The following PLEKHA7 variants were observed in gnomAD, a reference collection of about 807,000 sequenced individuals.
The protein encoded by PLEKHA7 is pleckstrin homology domain containing A7, also known as pleckstrin homology domain-containing family A member 7.
A neutral mutation model predicts 170.0 loss-of-function variants in PLEKHA7; 104 were observed. The observed-to-expected ratio is 0.61, with a 90% CI of 0.52 to 0.72. PLEKHA7 has a LOEUF of 0.72. Among genes scored for constraint, PLEKHA7 ranks in the 30% least tolerant of loss-of-function variants. The pLI, the probability that PLEKHA7 is intolerant of heterozygous loss-of-function variation, is 0.00. For missense variants in PLEKHA7, 1,615 were observed against 1,671.7 expected, an observed-to-expected ratio of 0.97 and a Z score of 0.59; for synonymous variants, 648 against 660.8, an observed-to-expected ratio of 0.98 and a Z score of 0.30.
At chr11:17,005,647 A>G (rs1030688673) in intron 3 of PLEKHA7, among the ~76,000 whole-genome samples, 1 of 152,200 alleles carries the variant, frequency 6.6e-6, no homozygotes, top group South Asian at 2.1e-4. Flanking sequence ...CATCTGTCCT[A>G]TCTCTAAAAC....
At chr11:16,967,094 T>C (rs959747357) in intron 3 of PLEKHA7, among the ~76,000 whole-genome samples, 1 of 152,222 alleles carries the variant, frequency 6.6e-6, no homozygotes, top group African/African-American at 2.4e-5. Flanking sequence ...CCAACAGAAA[T>C]GCAGAAAGCA....
chr11:16,885,589 A>C, intron 3 of PLEKHA7, among the ~76,000 whole-genome samples: 1 of 106,394 alleles, frequency 9.4e-6, no homozygotes, highest in South Asian at 2.7e-4. Context: ...AAAAGAACTA[A>C]AGGAAGATGA....
chr11:16,930,749 A>AC (rs1859866629), intron 3 of PLEKHA7, among the ~76,000 whole-genome samples: 1 of 152,238 alleles, frequency 6.6e-6, no homozygotes, highest in Non-Finnish European at 1.5e-5. Flanking sequence ...GAAAATACAA[A>AC]CATTAAACGC....
chr11:16,908,104 G>C (rs1401752641), intron 3 of PLEKHA7, among the ~76,000 whole-genome samples: 1 of 151,486 alleles, frequency 6.6e-6, no homozygotes, highest in African/African-American at 2.4e-5. Flanking sequence ...CTAATCTCAA[G>C]TACCCAGGGA....
intron 3 of PLEKHA7, among the ~76,000 whole-genome samples, chr11:16,977,973 C>G (rs1376277058): frequency 1.3e-5 from 2 of 152,260 alleles, no homozygotes; most frequent in Admixed American, 6.5e-5. Context: ...TTCCCTCCCC[C>G]TTTGCCACTC....
intron 3 of PLEKHA7, among the ~76,000 whole-genome samples, chr11:16,991,891 C>T (rs1314377845): frequency 2.0e-5 from 3 of 152,136 alleles, no homozygotes; most frequent in Non-Finnish European, 4.4e-5. Context: ...ATGACAGTGG[C>T]GTGGACTAGG....
chr11:16,889,855 G>GACTATTCA (rs1480882575), intron 3 of PLEKHA7, among the ~76,000 whole-genome samples: 3 of 152,130 alleles, frequency 2.0e-5, no homozygotes, highest in Non-Finnish European at 4.4e-5. Flanking sequence ...ATAGTCATCA[G>GACTATTCA]ACTATTCAAA....
At chr11:16,953,285 C>G (rs891476044) in intron 3 of PLEKHA7, among the ~76,000 whole-genome samples, 1 of 152,206 alleles carries the variant, frequency 6.6e-6, no homozygotes, top group Non-Finnish European at 1.5e-5. Flanking sequence ...CAGTAATCAG[C>G]AAAATGCCTT....
chr11:16,897,805 T>A (rs1034811335), intron 3 of PLEKHA7, among the ~76,000 whole-genome samples: 4 of 152,152 alleles, frequency 2.6e-5, no homozygotes, highest in African/African-American at 9.7e-5. Flanking sequence ...CACACACACA[T>A]TTGGCTCAAA....
intron 3 of PLEKHA7, among the ~76,000 whole-genome samples, chr11:16,880,912 C>G (rs1165544425): frequency 6.6e-6 from 1 of 152,174 alleles, no homozygotes; most frequent in African/African-American, 2.4e-5. Flanking sequence ...TTTTAAGATG[C>G]TGCGGTTCAT....
At chr11:16,981,310 T>C (rs894458632) in intron 3 of PLEKHA7, among the ~76,000 whole-genome samples, 3 of 152,150 alleles carry the variant, frequency 2.0e-5, no homozygotes, top group African/African-American at 4.8e-5. Flanking sequence ...GAGTAGACAC[T>C]AGTATTATCC....
intron 3 of PLEKHA7, among the ~76,000 whole-genome samples, chr11:16,930,604 C>A (rs752250517): frequency 3.9e-5 from 6 of 152,070 alleles, no homozygotes; most frequent in Non-Finnish European, 5.9e-5. Flanking sequence ...CAAAATAAAA[C>A]GCATGATTTC....
intron 3 of PLEKHA7, among the ~76,000 whole-genome samples, chr11:16,923,629 G>C (rs965374504): frequency 6.6e-6 from 1 of 152,060 alleles, no homozygotes. Flanking sequence ...ATTGGGAGGA[G>C]GGGGAGGGAG....
chr11:16,911,862 T>C lies in PLEKHA7; in HGVS notation c.222-40680A>G, dbSNP rs532380235. Among the ~76,000 whole-genome samples the C allele has an allele frequency of 3.3e-5, 5 of 152,216 alleles. No homozygotes were observed. The East Asian group carries it at 9.7e-4, about 29-fold the overall frequency. Reference sequence around the variant, plus strand: ...CTCATATCCTGCTTCTTCCTTTTTATCTTTAACCTAAACCAAAGCATCCTC... The same window carrying C: ...CTCATATCCTGCTTCTTCCTTTTTACCTTTAACCTAAACCAAAGCATCCTC... On this transcript the variant is annotated intron_variant, in intron 3 of 26. Coordinates refer to ENST00000531066, the MANE Select transcript of PLEKHA7 (RefSeq NM_001329630.2).
At chr11:16,815,704 C>T (rs1399971768) in intron 12 of PLEKHA7, among the ~76,000 whole-genome samples, 4 of 152,014 alleles carry the variant, frequency 2.6e-5, no homozygotes, top group South Asian at 2.1e-4. Context: ...TTAGTAGAGA[C>T]GGGGTTTCGC....
At position 16,891,324 on chromosome 11, in the gene PLEKHA7, G is replaced by C. The variant is rs117633391; in HGVS notation, c.222-20142C>G. Among the ~76,000 whole-genome samples, 899 of 152,302 alleles carry C rather than the reference G, an allele frequency of 5.9e-3. 3 individuals are homozygous for C. The highest frequency in any genetic ancestry group is 0.01 in the Admixed American group (154 of 15,296). Reference sequence around the variant, plus strand: ...GCATATAAAATATACAAAGGGTAGAGAGCCATATGAAGACAGAGGCGGAGA... The same window carrying C: ...GCATATAAAATATACAAAGGGTAGACAGCCATATGAAGACAGAGGCGGAGA... On this transcript the variant is annotated intron_variant, in intron 3 of 26. Transcript: ENST00000531066.
intron 3 of PLEKHA7, among the ~76,000 whole-genome samples, chr11:16,924,790 T>C (rs1329875691): frequency 6.6e-6 from 1 of 152,204 alleles, no homozygotes; most frequent in Non-Finnish European, 1.5e-5. Flanking sequence ...CATTTTCAGA[T>C]TTCCTCTCTC....
chr11:16,955,785 T>C (rs1241817253), intron 3 of PLEKHA7, among the ~76,000 whole-genome samples: 4 of 152,124 alleles, frequency 2.6e-5, no homozygotes, highest in East Asian at 1.9e-4. Flanking sequence ...TTCTCAGTTA[T>C]CTAAAATTAA....
intron 4 of PLEKHA7, among the ~76,000 whole-genome samples, chr11:16,865,243 T>C (rs1294255435): frequency 6.6e-6 from 1 of 152,222 alleles, no homozygotes; most frequent in East Asian, 1.9e-4. Flanking sequence ...CCTTTCTCTA[T>C]GCATTGTACT....
Sources: allele counts gnomAD v4.1 joint callset (sites outside exome capture counted in the v4.1 genomes callset), GRCh38; gene constraint gnomAD v4.1.1; transcripts MANE v1.5; gene names NCBI Gene and HGNC (gene_info 2026-07-23, HGNC 2026-07-21).